ERC2: variants seen among roughly 807,000 people sequenced by gnomAD.
ERC2 encodes ERC protein 2.
ERC2 carries 42 observed loss-of-function variants against 114.8 expected under a neutral mutation model. The observed-to-expected ratio is 0.37, with a 90% CI of 0.29 to 0.47. The LOEUF (loss-of-function observed/expected upper bound fraction) is 0.47, where lower values mean the gene tolerates loss of function less well. Ranked by LOEUF, ERC2 falls within the 20% of genes least tolerant of loss-of-function variation. The pLI is 0.99. For missense variants in ERC2, 939 were observed against 1,150.7 expected (o/e 0.82, Z 2.66); for synonymous variants, 454 against 425.5 (o/e 1.07, Z -0.82).
intron 12 of ERC2, among the ~76,000 whole-genome samples, chr3:55,967,761 T>A (rs1328366198): frequency 6.6e-6 from 1 of 152,184 alleles, no homozygotes; most frequent in Non-Finnish European, 1.5e-5. Flanking sequence ...ACCGTCCTTA[T>A]GAATGGATTA....
intron 14 of ERC2, among the ~76,000 whole-genome samples, chr3:55,747,828 G>A (rs1406307526): frequency 6.6e-6 from 1 of 152,240 alleles, no homozygotes; most frequent in Non-Finnish European, 1.5e-5. Flanking sequence ...TACACCTGAA[G>A]CCTTGCACTG....
At chr3:55,722,201 G>A (rs775920779) in intron 15 of ERC2, among the ~76,000 whole-genome samples, 1 of 150,970 alleles carries the variant, frequency 6.6e-6, no homozygotes, top group Non-Finnish European at 1.5e-5. Flanking sequence ...TCAGGGCAGA[G>A]ATAAGAGAAT....
intron 12 of ERC2, among the ~76,000 whole-genome samples, chr3:55,970,694 T>C (rs2149484478): frequency 6.6e-6 from 1 of 152,162 alleles, no homozygotes; most frequent in African/African-American, 2.4e-5. Flanking sequence ...TAAGAAGAAG[T>C]GTTGGTGAGA....
chr3:56,044,232 T>C (rs2149668958), intron 7 of ERC2, among the ~76,000 whole-genome samples: 1 of 152,310 alleles, frequency 6.6e-6, no homozygotes, highest in African/African-American at 2.4e-5. Flanking sequence ...GAATTCGTTT[T>C]GGGAAACATT....
At chr3:55,545,216 G>C (rs1240854567) in intron 17 of ERC2, among the ~76,000 whole-genome samples, 1 of 152,092 alleles carries the variant, frequency 6.6e-6, no homozygotes, top group African/African-American at 2.4e-5. Context: ...CTAGATTCTT[G>C]CCATAGTTTG....
chr3:55,611,297 A>G (rs2148566219), intron 17 of ERC2, among the ~76,000 whole-genome samples: 3 of 152,284 alleles, frequency 2.0e-5, no homozygotes. Context: ...TTTGAGTTAG[A>G]TTGTCCTCTC....
intron 12 of ERC2, among the ~76,000 whole-genome samples, chr3:55,966,463 C>A (rs780296037): frequency 7.2e-4 from 110 of 152,106 alleles, no homozygotes; most frequent in Non-Finnish European, 1.2e-3. Flanking sequence ...AGCATGTATG[C>A]CATAGAATGT....
intron 3 of ERC2, among the ~76,000 whole-genome samples, chr3:56,193,669 T>C (rs2047926946): frequency 6.6e-6 from 1 of 152,188 alleles, no homozygotes; most frequent in Non-Finnish European, 1.5e-5. Flanking sequence ...TTCCAATGCA[T>C]GAGCTCATTT....
At chr3:56,250,160 A>G (rs777608694) in intron 3 of ERC2, among the ~76,000 whole-genome samples, 4 of 152,180 alleles carry the variant, frequency 2.6e-5, no homozygotes, top group Non-Finnish European at 5.9e-5. Flanking sequence ...CCGGCCATCA[A>G]ATTTCTTAAA....
intron 17 of ERC2, among the ~76,000 whole-genome samples, chr3:55,677,855 G>A (rs758552584): frequency 2.0e-5 from 3 of 152,242 alleles, no homozygotes; most frequent in African/African-American, 4.8e-5. Flanking sequence ...GCTTATGGAC[G>A]CCTGCTTGAG....
At position 55,951,059 on chromosome 3, in the gene ERC2, G is replaced by A. The variant is rs190278716; in HGVS notation, c.2268-499C>T. Among the ~76,000 whole-genome samples, 499 of 152,244 alleles carry A rather than the reference G, an allele frequency of 3.3e-3. 3 individuals carry two copies. The highest frequency in any genetic ancestry group is 0.011 in the African/African-American group (451 of 41,534). ...AGCTCCCAAGTAGAGAGAACAATGC[G>A]TGTAATTTCCAAGACAGGAAAGAAG... is the stretch of plus-strand genomic sequence containing the variant. On this transcript the variant is annotated intron_variant, in intron 12 of 17. Transcript: ENST00000288221.
chr3:56,370,695 A>G (rs1414679274), intron 2 of ERC2, among the ~76,000 whole-genome samples: 2 of 151,114 alleles, frequency 1.3e-5, no homozygotes, highest in African/African-American at 4.9e-5. Context: ...CCCAGGTTCA[A>G]GCAATTCTCC....
chr3:55,608,145 C>T (rs1486332016), intron 17 of ERC2, among the ~76,000 whole-genome samples: 2 of 152,150 alleles, frequency 1.3e-5, no homozygotes, highest in Admixed American at 1.3e-4. Flanking sequence ...TGACCAAAGA[C>T]ACGTAGTCCA....
chr3:56,096,363 G>T (rs9830675), intron 6 of ERC2, among the ~76,000 whole-genome samples: 27,238 of 152,022 alleles, frequency 0.18, 2,587 homozygotes, highest in African/African-American at 0.23. Context: ...TTGAGACAGG[G>T]TGAGTTCTTG....
intron 2 of ERC2, among the ~76,000 whole-genome samples, chr3:56,370,795 A>G (rs1253808477): frequency 6.6e-6 from 1 of 151,980 alleles, no homozygotes; most frequent in Non-Finnish European, 1.5e-5. Context: ...GGGTTTCACC[A>G]TGTTGGCAGG....
At chr3:55,893,667 C>A (rs1302265467) in intron 13 of ERC2, among the ~76,000 whole-genome samples, 1 of 152,156 alleles carries the variant, frequency 6.6e-6, no homozygotes, top group Admixed American at 6.5e-5. Context: ...GACCTCAGAG[C>A]CACATTGATC....
At chr3:56,130,514 C>A (rs946104356) in intron 6 of ERC2, among the ~76,000 whole-genome samples, 4 of 152,160 alleles carry the variant, frequency 2.6e-5, no homozygotes, top group African/African-American at 9.7e-5. Flanking sequence ...AAGTCAAAAG[C>A]AATTTTATCC....
intron 2 of ERC2, among the ~76,000 whole-genome samples, chr3:56,359,644 T>C (rs1165363410): frequency 6.6e-6 from 1 of 152,236 alleles, no homozygotes; most frequent in East Asian, 1.9e-4. Flanking sequence ...CTGGGTGATT[T>C]ATAAAGAAAA....
intron 15 of ERC2, among the ~76,000 whole-genome samples, chr3:55,716,202 G>T (rs1450863634): frequency 6.6e-6 from 1 of 152,158 alleles, no homozygotes; most frequent in East Asian, 1.9e-4. Flanking sequence ...ACTGGGCAAA[G>T]CCAACCTCTC....
Sources: gnomAD v4.1 joint callset for allele counts (sites outside exome capture counted in the v4.1 genomes callset) on GRCh38, gnomAD v4.1.1 for gene constraint, MANE v1.5 for transcripts, NCBI Gene and HGNC (gene_info 2026-07-23, HGNC 2026-07-21) for gene names.